POGZ: variants seen among roughly 807,000 people sequenced by gnomAD.
The protein encoded by POGZ is pogo transposable element derived with ZNF domain.
Under a neutral mutation model 134.6 loss-of-function variants are expected in POGZ, and 17 were observed. The observed-to-expected ratio is 0.13, with a 90% confidence interval of 0.09 to 0.19. POGZ has a LOEUF of 0.19. Among genes scored for constraint, POGZ ranks in the 10% least tolerant of loss-of-function variants. The pLI, the probability that POGZ is intolerant of heterozygous loss-of-function variation, is 1.00. For synonymous variants in POGZ, 693 were observed against 657.1 expected (o/e 1.05, Z -0.84); for missense variants, 1,306 against 1,769.7 (o/e 0.74, Z 4.70).
chr1:151,423,417 T>C lies in POGZ; in HGVS notation c.1658A>G (p.His553Arg), dbSNP rs746685201. The C allele has an allele frequency of 6.2e-7, 1 of 1,614,136 alleles. No homozygotes were observed. Among genetic ancestry groups the C allele is most frequent in the Non-Finnish European group, 8.5e-7 (1 of 1,179,970 alleles). ...FQLQCHLENVHSPYESTTKCK... is the reference protein window; with the variant it reads ...FQLQCHLENVRSPYESTTKCK... ...CTTACTAGTAGATTCATAGGGACTATGAACATTTTCCAAGTGGCACTGAAG... is the reference window on the plus strand; with the variant it reads ...CTTACTAGTAGATTCATAGGGACTACGAACATTTTCCAAGTGGCACTGAAG... The change falls in exon 10 of 19, where the codon CAT (histidine) becomes CGT (arginine). Residue 553 changes from histidine to arginine, a missense_variant. This residue lies in a region of POGZ where 541 missense variants were observed against 680.5 expected (regional missense o/e 0.80). Coordinates refer to ENST00000271715, the MANE Select transcript of POGZ (RefSeq NM_015100.4).
intron 10 of POGZ, among the ~76,000 whole-genome samples, chr1:151,416,113 CAGA>C (rs1447652066): frequency 1.5e-5 from 2 of 137,158 alleles, no homozygotes; most frequent in Non-Finnish European, 3.0e-5. Context: ...GAGGCTGAGG[CAGA>C]AGAATTGCTT....
In POGZ at chr1:151,423,517, C is replaced by T. The variant is rs779465815; in HGVS notation, c.1558G>A (p.Asp520Asn). 4.3e-6 allele frequency: 7 copies of T among 1,613,770 alleles called. No homozygotes were observed. The highest frequency in any genetic ancestry group is 3.4e-6 in the Non-Finnish European group (4 of 1,179,758). The part of the protein sequence containing the change: ...MNHMKHHVEL[D>N]QQNGEVDGHT... ...CCATCTACCTCACCGTTCTGCTGATCGAGTTCTACGTGGTGTTTCATATGG... is the reference window on the plus strand; with the variant it reads ...CCATCTACCTCACCGTTCTGCTGATTGAGTTCTACGTGGTGTTTCATATGG... Residue 520 changes from aspartate to asparagine, a missense_variant, in exon 10 of 19, where the codon GAT becomes AAT. Physicochemically the swap from Asp to Asn is conservative, Grantham distance 23. Transcript: ENST00000271715.
At chr1:151,406,700 G>A (rs1653713289) in intron 17 of POGZ, 69 bp from the exon 18 acceptor site, 2 of 1,328,270 alleles carry the variant, frequency 1.5e-6, no homozygotes, top group Non-Finnish European at 2.1e-6. Flanking sequence ...ACAGTGCCCT[G>A]GGATTCAACT....
chr1:151,458,921 G>A (rs1333937954), intron 1 of POGZ, among the ~76,000 whole-genome samples: 5 of 144,742 alleles, frequency 3.5e-5, no homozygotes, highest in South Asian at 2.1e-4. Flanking sequence ...CGGGGCGCAC[G>A]CACACACACT....
chr1:151,407,903 T>C (rs1653943032), intron 15 of POGZ, among the ~76,000 whole-genome samples, 197 bp downstream of exon 15: 1 of 150,910 alleles, frequency 6.6e-6, no homozygotes, highest in Admixed American at 6.6e-5. Flanking sequence ...TCCCAGCTAC[T>C]TGGGAGGCTG....
At chr1:151,458,610 G>A (rs1663067835) in intron 1 of POGZ, among the ~76,000 whole-genome samples, 1 of 141,884 alleles carries the variant, frequency 7.0e-6, no homozygotes, top group African/African-American at 2.6e-5. Context: ...CTCCGCCGCC[G>A]CCCGCCCCTC....
chr1:151,406,547 TAATAAC>T, intron 18 of POGZ, 54 bp downstream of exon 18: 1 of 1,548,780 alleles, frequency 6.5e-7, no homozygotes, highest in Non-Finnish European at 8.7e-7. Context: ...ATAATAATAA[TAATAAC>T]AGAGTAAACA....
At position 151,441,068 on chromosome 1, in the gene POGZ, G is replaced by C; in HGVS notation, c.143C>G (p.Pro48Arg). The change falls in exon 3 of 19, where the codon CCA becomes CGA. Residue 48 changes from proline (P) to arginine (R), a missense_variant. By Grantham distance (103) the Pro-to-Arg change is moderately radical (BLOSUM62 -2). Coordinates refer to ENST00000271715, the MANE Select transcript of POGZ (RefSeq NM_015100.4). ...AGCGATGGGCACTGGAGCCGAGACT[G>C]GCTGCTGGCTCACAGAAACTGTGGG... ...KTTTVSVSQQ[P>R]VSAPVPIAAH... is the part of the protein sequence containing the mutation. The C allele has an allele frequency of 1.2e-6, 2 of 1,613,830 alleles. No individual in the cohort carries two copies. Among genetic ancestry groups the C allele is most frequent in the Non-Finnish European group, 1.7e-6 (2 of 1,179,794 alleles).
Position 151,423,966 on chromosome 1 carries a change from C to A in POGZ, c.1506G>T (p.Arg502Ser). 6.2e-7 allele frequency: 1 copy of A among 1,613,150 alleles called. No individual in the cohort carries two copies. Among genetic ancestry groups the A allele is most frequent in the South Asian group, 1.1e-5 (1 of 90,948 alleles). ...TSFRCPHCTK[R>S]LKNNIRFMNH... Reference sequence around the variant, plus strand: ...ACACTTACCGAATATTGTTTTTTAGCCTTTTGGTACAATGTGGGCATCGGA... The same window carrying A: ...ACACTTACCGAATATTGTTTTTTAGACTTTTGGTACAATGTGGGCATCGGA... Residue 502 changes from arginine (R) to serine (S), a missense_variant, in exon 9 of 19, where the codon AGG (arginine) becomes AGT (serine). Arg to Ser is a moderately radical substitution (Grantham distance 110). Coordinates refer to ENST00000271715, the MANE Select transcript of POGZ (RefSeq NM_015100.4).
At chr1:151,425,278 T>C (rs1657578754) in intron 7 of POGZ, 2 of 410,660 alleles carry the variant, frequency 4.9e-6, no homozygotes, top group Non-Finnish European at 9.2e-6. Flanking sequence ...CACAGCTCAC[T>C]GCAGCCTTGA....
At chr1:151,441,641 C>A (rs1024239069) in intron 2 of POGZ, among the ~76,000 whole-genome samples, 5 of 152,076 alleles carry the variant, frequency 3.3e-5, no homozygotes, top group Admixed American at 2.0e-4. Flanking sequence ...GTAAACTGTC[C>A]ATGAAGGCAG....
At chr1:151,450,974 TG>T (rs1661982446) in intron 1 of POGZ, 1 of 150,228 alleles carries the variant, frequency 6.7e-6, no homozygotes, top group African/African-American at 2.5e-5. Context: ...CCGAGGTGGG[TG>T]GATCACTTGA....
intron 12 of POGZ, among the ~76,000 whole-genome samples, chr1:151,410,824 C>T (rs1035649159): frequency 1.3e-5 from 2 of 152,192 alleles, no homozygotes; most frequent in African/African-American, 4.8e-5. Flanking sequence ...CCCTCATTCA[C>T]CCAACTGCCC....
rs900840511 is a variant in POGZ at position 151,441,002 on chromosome 1, G to A, written c.209C>T (p.Thr70Ile). Residue 70 changes from threonine (T) to isoleucine (I), a missense_variant, in exon 3 of 19, where the codon ACC (threonine) becomes ATC (isoleucine). Physicochemically the swap from Thr to Ile is moderately conservative, Grantham distance 89. Coordinates refer to ENST00000271715, the MANE Select transcript of POGZ (RefSeq NM_015100.4). ...SVAGHLSTST[T>I]VSSSGAQNSD... ...GTTCTGTGCCCCGCTGCTACTAACG[G>A]TGGTGGATGTAGAGAGGTGCCCAGC... 3.1e-6 allele frequency: 5 copies of A among 1,613,874 alleles called. No homozygotes were observed. The South Asian group carries it at 5.5e-5, about 18-fold the overall frequency.
intron 1 of POGZ, among the ~76,000 whole-genome samples, chr1:151,449,740 C>T (rs1413196050): frequency 2.0e-5 from 3 of 151,828 alleles, no homozygotes; most frequent in East Asian, 1.9e-4. Context: ...ATTAAAAATA[C>T]AAAAAATTAG....
Position 151,403,931 on chromosome 1 carries a change from G to C in POGZ, c.*871C>G, listed in dbSNP as rs1035853746. ...ACCCTAAAACTGTTTGATCGCTTCAGTATCTCTTGCTTGCTAATAACACCT... is the reference window on the plus strand; with the variant it reads ...ACCCTAAAACTGTTTGATCGCTTCACTATCTCTTGCTTGCTAATAACACCT... On this transcript the variant is annotated 3_prime_UTR_variant, in exon 19 of 19. Coordinates refer to ENST00000271715, the MANE Select transcript of POGZ (RefSeq NM_015100.4). 5.1e-6 allele frequency: 5 copies of C among 985,348 alleles called. No homozygotes were observed. Among genetic ancestry groups the C allele is most frequent in the Non-Finnish European group, 6.0e-6 (5 of 829,924 alleles). The allele number at this position is 985,348 out of a possible 1,614,324, so 61.0% of individuals were successfully genotyped here. A position where few individuals can be genotyped will look rare whatever the true frequency, so the allele number is the denominator to read the frequency against.
chr1:151,434,096 G>A (rs1189203646), intron 3 of POGZ, among the ~76,000 whole-genome samples: 1 of 152,120 alleles, frequency 6.6e-6, no homozygotes, highest in African/African-American at 2.4e-5. Flanking sequence ...ATCACTTGAG[G>A]TCAAGAGTTT....
At chr1:151,446,526 C>T (rs190851559) in intron 1 of POGZ, among the ~76,000 whole-genome samples, 136 of 152,062 alleles carry the variant, frequency 8.9e-4, no homozygotes, top group Non-Finnish European at 1.3e-3. Context: ...GAGGCCGAGG[C>T]GGGGGGATCA....
At chr1:151,411,420 T>C (rs1488056663) in intron 12 of POGZ, among the ~76,000 whole-genome samples, 1 of 152,240 alleles carries the variant, frequency 6.6e-6, no homozygotes, top group Admixed American at 6.5e-5. Flanking sequence ...CTTCATGTTT[T>C]ATTGTATTGT....
Sources: allele counts gnomAD v4.1 joint callset (sites outside exome capture counted in the v4.1 genomes callset), GRCh38; gene constraint gnomAD v4.1.1; regional missense constraint gnomAD v4.1.1; transcripts MANE v1.5; gene names NCBI Gene and HGNC (gene_info 2026-07-23, HGNC 2026-07-21).